ITPR1: variants seen among roughly 807,000 people sequenced by gnomAD.
The protein encoded by ITPR1 is inositol 1,4,5-trisphosphate receptor type 1.
In ITPR1, 96 loss-of-function variants were observed where a neutral mutation model predicts 318.4. The ratio of observed to expected loss-of-function variants is 0.30; its 90% CI spans 0.26 to 0.36. The LOEUF is 0.36. Among genes scored for constraint, ITPR1 ranks in the 10% least tolerant of loss-of-function variants. The pLI, the probability that ITPR1 is intolerant of heterozygous loss-of-function variation, is 1.00. For synonymous variants in ITPR1, 1,312 were observed against 1,289.9 expected, an observed-to-expected ratio of 1.02 and a Z score of -0.37; for missense variants, 2,440 against 3,460.2, an observed-to-expected ratio of 0.71 and a Z score of 7.40.
intron 5 of ITPR1, among the ~76,000 whole-genome samples, chr3:4,634,403 G>T (rs1374321558): frequency 2.6e-5 from 4 of 151,750 alleles, no homozygotes; most frequent in Admixed American, 6.6e-5. Flanking sequence ...GAAGAGTTGG[G>T]GTTTTGCCAC....
chr3:4,821,743 A>G (rs947742197), intron 60 of ITPR1, among the ~76,000 whole-genome samples: 1 of 152,186 alleles, frequency 6.6e-6, no homozygotes, highest in Non-Finnish European at 1.5e-5. Context: ...AACTGCCTAC[A>G]GACAAGGTGA....
intron 60 of ITPR1, among the ~76,000 whole-genome samples, chr3:4,818,871 G>A (rs923815785): frequency 1.3e-5 from 2 of 152,190 alleles, no homozygotes; most frequent in Non-Finnish European, 2.9e-5. Context: ...GACACCAAAC[G>A]TGCGCTGTGG....
At chr3:4,838,572 ATACT>A in intron 61 of ITPR1, among the ~76,000 whole-genome samples, 1 of 152,328 alleles carries the variant, frequency 6.6e-6, no homozygotes, top group Non-Finnish European at 1.5e-5. Flanking sequence ...CACTGAACTA[ATACT>A]TAAATAAAGG....
chr3:4,530,343 C>T (rs547330389), intron 4 of ITPR1, among the ~76,000 whole-genome samples: 35 of 152,308 alleles, frequency 2.3e-4, no homozygotes, highest in African/African-American at 8.2e-4. Context: ...AATTGGTGTT[C>T]TTTTCTGATA....
chr3:4,682,884 T>C (rs2094326709), intron 26 of ITPR1, among the ~76,000 whole-genome samples: 1 of 152,228 alleles, frequency 6.6e-6, no homozygotes, highest in Non-Finnish European at 1.5e-5. Flanking sequence ...TGATCTAGGA[T>C]ATGCTTATTA....
At chr3:4,598,921 A>C (rs1184823137) in intron 4 of ITPR1, among the ~76,000 whole-genome samples, 2 of 151,078 alleles carry the variant, frequency 1.3e-5, no homozygotes, top group Admixed American at 1.3e-4. Context: ...CATATCCACT[A>C]TTTTTCCTCT....
At chr3:4,766,006 A>T (rs112708138) in intron 44 of ITPR1, among the ~76,000 whole-genome samples, 3,319 of 152,328 alleles carry the variant, frequency 0.022, 51 homozygotes, top group South Asian at 0.062. Flanking sequence ...TTGTGTAGCT[A>T]CCTGAGTACT....
chr3:4,572,203 C>G (rs77827932), intron 4 of ITPR1, among the ~76,000 whole-genome samples: 9,786 of 152,232 alleles, frequency 0.064, 433 homozygotes, highest in African/African-American at 0.13. Context: ...GAACTCCAGA[C>G]TCACATATAC....
At chr3:4,727,532 A>G (rs1380712686) in intron 42 of ITPR1, among the ~76,000 whole-genome samples, 1 of 152,212 alleles carries the variant, frequency 6.6e-6, no homozygotes, top group Non-Finnish European at 1.5e-5. Flanking sequence ...AAAAACGTTC[A>G]TAATTACATT....
chr3:4,751,086 A>G (rs1323077215), intron 44 of ITPR1: 3 of 152,530 alleles, frequency 2.0e-5, no homozygotes, highest in African/African-American at 7.2e-5. Context: ...GGCCTGGAGG[A>G]GAAGGGCTGT....
chr3:4,704,327 G>A (rs531572839), intron 36 of ITPR1, among the ~76,000 whole-genome samples: 86 of 152,330 alleles, frequency 5.6e-4, no homozygotes, highest in African/African-American at 1.6e-3. Flanking sequence ...CAGGAGAATC[G>A]CTTGAACCTG....
Position 4,796,706 on chromosome 3 carries a change from C to G in ITPR1, c.6931+1519C>G, listed in dbSNP as rs532865098. Among the ~76,000 whole-genome samples, 7 of 152,280 alleles carry G rather than the reference C, an allele frequency of 4.6e-5. No homozygotes were observed. The South Asian group carries it at 1.5e-3, about 32-fold the overall frequency. Reference sequence around the variant, plus strand: ...CCCCCCACCCTTCATTGACAAGCCTCCTGCAGTGCCTTTCTTAGACTTAGG... The same window carrying G: ...CCCCCCACCCTTCATTGACAAGCCTGCTGCAGTGCCTTTCTTAGACTTAGG... On this transcript the variant is annotated intron_variant, in intron 53 of 61. Transcript: ENST00000649015.
Position 4,510,111 on chromosome 3 carries a change from G to T in ITPR1, c.-16-6365G>T, listed in dbSNP as rs972744053. Among the ~76,000 whole-genome samples, 7 of 152,304 alleles carry T rather than the reference G, an allele frequency of 4.6e-5. No individual in the cohort carries two copies. The East Asian group carries it at 9.7e-4, about 21-fold the overall frequency. On this transcript the variant is annotated intron_variant, in intron 2 of 61. Transcript: ENST00000649015. The stretch of plus-strand genomic sequence containing the variant: ...CCAGAGGTGGAGACATCAAACTGGG[G>T]CTGTGAAGGTGAGTGGGAGTTAGCC...
intron 4 of ITPR1, among the ~76,000 whole-genome samples, chr3:4,622,702 C>T (rs184955444): frequency 6.8e-4 from 103 of 152,304 alleles, no homozygotes; most frequent in African/African-American, 2.1e-3. Flanking sequence ...TGTGAGCCAC[C>T]GCACCCGGCC....
intron 4 of ITPR1, among the ~76,000 whole-genome samples, chr3:4,535,442 A>AAT (rs1553613952): frequency 3.0e-5 from 3 of 100,982 alleles, no homozygotes; most frequent in African/African-American, 1.1e-4. Context: ...TTTTTTTTTA[A>AAT]TTTTTTTTTT....
intron 2 of ITPR1, among the ~76,000 whole-genome samples, chr3:4,504,518 A>C (rs2081265506): frequency 6.6e-6 from 1 of 152,188 alleles, no homozygotes; most frequent in African/African-American, 2.4e-5. Flanking sequence ...AGAATAAATT[A>C]TCTGATGATG....
chr3:4,633,989 A>T (rs1312232784), intron 5 of ITPR1, among the ~76,000 whole-genome samples: 1 of 152,196 alleles, frequency 6.6e-6, no homozygotes, highest in Non-Finnish European at 1.5e-5. Flanking sequence ...ATTCGATAAT[A>T]GTTTCTCTGT....
chr3:4,518,138 T>G (rs1345644137), intron 3 of ITPR1, among the ~76,000 whole-genome samples: 1 of 152,110 alleles, frequency 6.6e-6, no homozygotes, highest in Non-Finnish European at 1.5e-5. Context: ...TCTTTCCAGC[T>G]TCCTTGTCTG....
intron 18 of ITPR1, among the ~76,000 whole-genome samples, 174 bp downstream of exon 18, chr3:4,667,723 G>A (rs186977347): frequency 6.6e-6 from 1 of 152,238 alleles, no homozygotes; most frequent in East Asian, 1.9e-4. Context: ...AATGAGACCT[G>A]GGGGTGCATT....
Sources: gnomAD v4.1 joint callset for allele counts (sites outside exome capture counted in the v4.1 genomes callset) on GRCh38, gnomAD v4.1.1 for gene constraint, MANE v1.5 for transcripts, NCBI Gene and HGNC (gene_info 2026-07-23, HGNC 2026-07-21) for gene names.